Variants in MAOB observed in about 807,000 individuals in gnomAD.
The protein encoded by MAOB is amine oxidase [flavin-containing] B.
MAOB carries 15 observed loss-of-function variants against 41.9 expected under a neutral mutation model. That is an observed-to-expected ratio of 0.36 (90% CI 0.24 to 0.55). The LOEUF (loss-of-function observed/expected upper bound fraction) is 0.55, where lower values mean the gene tolerates loss of function less well. Ranked by LOEUF, MAOB falls within the 20% of genes least tolerant of loss-of-function variation. MAOB has a pLI of 0.86. For synonymous variants in MAOB, 167 were observed against 144.2 expected (o/e 1.16, Z -1.13); for missense variants, 345 against 398.7 (o/e 0.87, Z 1.15).
At chrX:43,845,588 A>G (rs2035192100) in intron 1 of MAOB, among the ~76,000 whole-genome samples, 1 of 112,000 alleles carries the variant, frequency 8.9e-6, no homozygotes, top group African/African-American at 3.2e-5. Context: ...CAGCATCTGT[A>G]TTCACAGCCA....
intron 6 of MAOB, among the ~76,000 whole-genome samples, chrX:43,796,264 A>G (rs2034526391): frequency 1.8e-5 from 2 of 111,098 alleles, no homozygotes; most frequent in South Asian, 7.6e-4. Context: ...GAGCAGACCT[A>G]AGCCTGCTTC....
At position 43,819,570 on chromosome X, in the gene MAOB, C is replaced by T. The variant is rs182547514; in HGVS notation, c.280-16166G>A. 5.3e-3 allele frequency among the ~76,000 whole-genome samples: 592 copies of T among 111,642 alleles called. 4 individuals carry two copies. The highest frequency in any genetic ancestry group is 0.018 in the African/African-American group (541 of 30,721). On this transcript the variant is annotated intron_variant, in intron 3 of 14. Coordinates refer to ENST00000378069, the MANE Select transcript of MAOB (RefSeq NM_000898.5). ...ACTAACAAACCACCAACATGCTATT[C>T]GCCACCTCCAAGTCTGTGTCTTGAG...
chrX:43,845,415 T>G (rs1316178939), intron 1 of MAOB, among the ~76,000 whole-genome samples: 1 of 112,485 alleles, frequency 8.9e-6, no homozygotes, highest in African/African-American at 3.2e-5. Flanking sequence ...GCTAATACTC[T>G]TATTATACTG....
At chrX:43,768,208 A>G (rs764373245) in intron 14 of MAOB, among the ~76,000 whole-genome samples, 3 of 112,308 alleles carry the variant, frequency 2.7e-5, no homozygotes, top group Non-Finnish European at 3.8e-5. Flanking sequence ...CTAGGATTTT[A>G]TTACAAAAAT....
chrX:43,844,004 T>C (rs956634673), intron 1 of MAOB: 1 of 775,604 alleles, frequency 1.3e-6, no homozygotes, highest in Middle Eastern at 5.5e-4. Context: ...TCTGCCACTA[T>C]ATCAAAATGT....
rs1569218482 is a variant in MAOB at position 43,808,684 on chromosome X, CT to C, written c.280-5281del. 1.6e-4 allele frequency among the ~76,000 whole-genome samples: 16 copies of C among 97,869 alleles called. 1 individual carries two copies. In the South Asian group the frequency reaches 4.5e-3, roughly 27 times the overall value. 85.0% of individuals were successfully genotyped at this position (97,869 alleles called of 115,157 possible). ...TCTATATCTATATCTATATCTATATCTATATCTACACATAGACACACACACA... is the reference window on the plus strand; with the variant it reads ...TCTATATCTATATCTATATCTATATCATATCTACACATAGACACACACACA... On this transcript the variant is annotated intron_variant, in intron 3 of 14. Transcript: ENST00000378069.
chrX:43,769,227 C>T lies in MAOB; in HGVS notation c.1347+80G>A, dbSNP rs1469266195. ...TGGGGGTTACTGGAGAGTTGGTCTC[C>T]AGGCTCTCAGATATCTTTGACCTAC... On this transcript the variant is annotated intron_variant, in intron 13 of 14. Coordinates refer to ENST00000378069, the MANE Select transcript of MAOB (RefSeq NM_000898.5). 2.8e-6 allele frequency: 3 copies of T among 1,064,365 alleles called. No individual in the cohort carries two copies. In the East Asian group the frequency reaches 1.0e-4, roughly 37 times the overall value. The allele number at this position is 1,064,365 out of a possible 1,213,427, so 87.7% of individuals were successfully genotyped here.
At chrX:43,769,248 C>T in intron 13 of MAOB, 59 bp downstream of exon 13, 1 of 1,104,363 alleles carries the variant, frequency 9.1e-7, no homozygotes, top group Non-Finnish European at 1.2e-6. Context: ...ATATCTTTGA[C>T]CTACATGTCA....
rs187771551 is a variant in MAOB at position 43,769,075 on chromosome X, T to G, written c.1347+232A>C. 6.2e-5 allele frequency among the ~76,000 whole-genome samples: 7 copies of G among 112,022 alleles called. No homozygotes were observed. The South Asian group carries it at 2.7e-3, about 42-fold the overall frequency. On this transcript the variant is annotated intron_variant, in intron 13 of 14. Coordinates refer to ENST00000378069, the MANE Select transcript of MAOB (RefSeq NM_000898.5). ...AGGTTACCTTTCAAGTATAGTCAGGTTGATCGTTTGCCCCATGGGCTCTTT... is the reference window on the plus strand; with the variant it reads ...AGGTTACCTTTCAAGTATAGTCAGGGTGATCGTTTGCCCCATGGGCTCTTT...
chrX:43,796,217 G>T (rs193151527), intron 6 of MAOB, among the ~76,000 whole-genome samples: 6 of 111,459 alleles, frequency 5.4e-5, no homozygotes, highest in African/African-American at 2.0e-4. Context: ...AGCTGGAACT[G>T]GTGAAGCTGT....
chrX:43,862,615 A>G (rs2035339742), intron 1 of MAOB, among the ~76,000 whole-genome samples: 1 of 111,670 alleles, frequency 9.0e-6, no homozygotes, highest in Admixed American at 9.5e-5. Flanking sequence ...CAGTATCAGG[A>G]CTCACCCTGT....
At chrX:43,824,133 G>A (rs1192064766) in intron 3 of MAOB, among the ~76,000 whole-genome samples, 1 of 112,078 alleles carries the variant, frequency 8.9e-6, no homozygotes, top group Non-Finnish European at 1.9e-5. Context: ...AGTTTGAATA[G>A]GATGCTGTGA....
At chrX:43,774,321 C>T (rs967943908) in intron 12 of MAOB, among the ~76,000 whole-genome samples, 4 of 111,818 alleles carry the variant, frequency 3.6e-5, no homozygotes, top group East Asian at 2.8e-4. Flanking sequence ...CAACAACACA[C>T]TTGGATGTAT....
intron 1 of MAOB, among the ~76,000 whole-genome samples, chrX:43,874,221 G>A (rs1423652391): frequency 8.9e-6 from 1 of 111,963 alleles, no homozygotes; most frequent in Admixed American, 9.5e-5. Context: ...GTTTTATGGA[G>A]TGCCTACAAC....
chrX:43,850,014 A>T (rs978304175), intron 1 of MAOB, among the ~76,000 whole-genome samples: 2 of 112,481 alleles, frequency 1.8e-5, no homozygotes, highest in Admixed American at 1.9e-4. Flanking sequence ...AGCATTGCAC[A>T]GTTCCCAGCA....
intron 3 of MAOB, among the ~76,000 whole-genome samples, chrX:43,804,910 G>A (rs138788696): frequency 0.022 from 2,452 of 111,836 alleles, 65 homozygotes; most frequent in African/African-American, 0.075. Flanking sequence ...ACAAGTTGAC[G>A]TATAAAATTA....
chrX:43,772,691 A>G (rs2034200184), intron 12 of MAOB, among the ~76,000 whole-genome samples: 1 of 111,675 alleles, frequency 9.0e-6, no homozygotes, highest in South Asian at 3.8e-4. Context: ...CCCTGCCCAA[A>G]TCTCATGTAG....
intron 8 of MAOB, among the ~76,000 whole-genome samples, chrX:43,790,064 C>A (rs1007404225): frequency 1.8e-5 from 2 of 111,306 alleles, no homozygotes; most frequent in African/African-American, 6.5e-5. Flanking sequence ...AACATAAAAC[C>A]AAAACTCTGG....
rs749864192 is a variant in MAOB, at chrX:43,793,518, G to C, written c.829C>G (p.Pro277Ala). Residue 277 changes from proline to alanine, a missense_variant, in exon 8 of 15, where the codon CCT becomes GCT. Coordinates refer to ENST00000378069, the MANE Select transcript of MAOB (RefSeq NM_000898.5). ...TLGMKIHFNP[P>A]LPMMRNQMIT... ...ATCTGGTTTCTCATCATTGGCAGAGGGGGATTGAAGTGAATCTTCATGCCC... is the reference window on the plus strand; with the variant it reads ...ATCTGGTTTCTCATCATTGGCAGAGCGGGATTGAAGTGAATCTTCATGCCC... 2 of 1,201,201 alleles carry C rather than the reference G, an allele frequency of 1.7e-6. No individual in the cohort carries two copies. The highest frequency in any genetic ancestry group is 4.4e-5 in the Admixed American group (2 of 45,605).
Sources: allele counts gnomAD v4.1 joint callset (sites outside exome capture counted in the v4.1 genomes callset), GRCh38; gene constraint gnomAD v4.1.1; transcripts MANE v1.5; gene names NCBI Gene and HGNC (gene_info 2026-07-23, HGNC 2026-07-21).